Variants in ABCA2 observed in about 807,000 individuals in gnomAD.
ABCA2 encodes the protein ATP binding cassette subfamily A member 2.
A neutral mutation model predicts 262.8 loss-of-function variants in ABCA2; 84 were observed. The ratio of observed to expected loss-of-function variants is 0.32; its 90% confidence interval spans 0.27 to 0.38. ABCA2 has a LOEUF of 0.38. Ranked by LOEUF, ABCA2 falls within the 10% of genes least tolerant of loss-of-function variation. ABCA2 has a pLI of 1.00. For synonymous variants in ABCA2, 1,696 were observed against 1,502.9 expected (o/e 1.13, Z -2.97); for missense variants, 2,662 against 3,405.9 (o/e 0.78, Z 5.44).
At chr9:137,020,609 A>T in intron 9 of ABCA2, 85 bp downstream of exon 9, 1 of 1,557,366 alleles carries the variant, frequency 6.4e-7, no homozygotes, top group East Asian at 2.3e-5. Flanking sequence ...GCCAAATGAG[A>T]CCTCCAGAGC....
rs1830880646 is a variant in ABCA2, at chr9:137,007,661, C to T, written c.*268G>A. ...AGCAGTGCCAGGCAGGGGCGAGGGG[C>T]CGGGCAGACCCCGAGGCTTTAAGGC... On this transcript the variant is annotated 3_prime_UTR_variant, in exon 49 of 49. Transcript: ENST00000341511. 1 of 558,110 alleles carries T rather than the reference C, an allele frequency of 1.8e-6. No individual in the cohort carries two copies. The highest frequency in any genetic ancestry group is 2.0e-5 in the South Asian group (1 of 49,126). 34.6% of individuals were successfully genotyped at this position (558,110 alleles called of 1,614,324 possible).
At chr9:137,013,387 G>T in intron 29 of ABCA2, 69 bp from the exon 30 acceptor site, 1 of 1,183,186 alleles carries the variant, frequency 8.5e-7, no homozygotes, top group South Asian at 1.4e-5. Flanking sequence ...CCCCTCGCCC[G>T]CCTGGCCCAC....
intron 40 of ABCA2, 118 bp downstream of exon 40, chr9:137,010,502 G>T: frequency 6.9e-7 from 1 of 1,443,190 alleles, no homozygotes; most frequent in Admixed American, 2.0e-5. Context: ...CCCCATGCAG[G>T]CCCCACCCCC....
At chr9:137,012,241 C>T in intron 33 of ABCA2, 24 bp downstream of exon 33, 2 of 1,594,492 alleles carry the variant, frequency 1.3e-6, no homozygotes, top group South Asian at 2.2e-5. Context: ...CCCGCCCCGC[C>T]CCGCCCTGCC....
rs1831198799 is a variant in ABCA2 at position 137,014,850 on chromosome 9, C to T, written c.3883-40G>A. On this transcript the variant is annotated intron_variant, in intron 25 of 48. Transcript: ENST00000341511. ...GAGGGGGAGGCTGCGGCAGGGACGC[C>T]CAGGCAGGAGTGCGCCCACCTCCAC... The T allele has an allele frequency of 1.9e-6, 3 of 1,584,216 alleles. No homozygotes were observed. In the Admixed American group the frequency reaches 5.4e-5, roughly 29 times the overall value.
chr9:137,017,038 G>A lies in ABCA2; in HGVS notation c.2640C>T (p.Thr880=), dbSNP rs1215836622. The change falls in exon 19 of 49, where the codon ACC becomes ACT. Residue 880 remains threonine, a synonymous_variant. Coordinates refer to ENST00000341511, the MANE Select transcript of ABCA2 (RefSeq NM_001606.5). ...CCCCCTCCACCGGGGACTGGCTGAA[G>A]GTGTGCCACTGGATGCCCACGCCGG... ...EVAGVGIQWH[T]FSQSPVEGDD... is the part of the protein sequence containing the mutation. 1.2e-6 allele frequency: 2 copies of A among 1,612,826 alleles called. No homozygotes were observed. The highest frequency in any genetic ancestry group is 8.5e-7 in the Non-Finnish European group (1 of 1,179,996).
chr9:137,021,756 T>A lies in ABCA2; in HGVS notation c.678+135A>T. 1 of 1,224,912 alleles carries A rather than the reference T, an allele frequency of 8.2e-7. No individual in the cohort carries two copies. Among genetic ancestry groups the A allele is most frequent in the Non-Finnish European group, 1.2e-6 (1 of 868,596 alleles). 75.9% of individuals were successfully genotyped at this position (1,224,912 alleles called of 1,614,324 possible). ...ATGCCTCTACCCCTCATGCCTGCCA[T>A]AGACCCCTGGGACCCTCCCCCTCTC... On this transcript the variant is annotated intron_variant, in intron 7 of 48. Coordinates refer to ENST00000341511, the MANE Select transcript of ABCA2 (RefSeq NM_001606.5). The surrounding 1 kb of genome is among the most constrained non-coding windows in gnomAD (Gnocchi z 6.0).
intron 1 of ABCA2, chr9:137,027,816 G>A (rs748141321): frequency 6.6e-6 from 1 of 152,430 alleles, no homozygotes; most frequent in Non-Finnish European, 1.5e-5. Context: ...CAGAGGGCGC[G>A]GGTGCCGTGA....
intron 3 of ABCA2, 99 bp from the exon 4 acceptor site, chr9:137,023,151 T>A: frequency 1.0e-6 from 1 of 959,186 alleles, no homozygotes. Flanking sequence ...GAGGAGAAAT[T>A]TAGAGAAAGT....
chr9:137,020,596 G>A lies in ABCA2; in HGVS notation c.1265+98C>T, dbSNP rs1831417266. On this transcript the variant is annotated intron_variant, in intron 9 of 48. Transcript: ENST00000341511. ...GGCAGGACTTCGGGGCACAGGGCAG[G>A]GCGCCAAATGAGACCTCCAGAGCCA... The A allele has an allele frequency of 2.6e-6, 4 of 1,551,548 alleles. No homozygotes were observed. The Admixed American group carries it at 7.2e-5, about 28-fold the overall frequency.
In ABCA2 at chr9:137,009,968, C is replaced by A. The variant is rs368610110; in HGVS notation, c.6495+15G>T. The A allele has an allele frequency of 3.0e-5, 48 of 1,595,032 alleles. No individual in the cohort carries two copies. The highest frequency in any genetic ancestry group is 3.8e-5 in the Non-Finnish European group (45 of 1,169,600). The stretch of plus-strand genomic sequence containing the variant: ...CCAGCGTGCTGACTCCCTGCCCCGC[C>A]CCACAGATCCTCACCCGGGCCTCGT... On this transcript the variant is annotated intron_variant, in intron 42 of 48. Coordinates refer to ENST00000341511, the MANE Select transcript of ABCA2 (RefSeq NM_001606.5).
chr9:137,008,876 G>T lies in ABCA2; in HGVS notation c.6931-8C>A, dbSNP rs561668236. ...CTTTGTGTGGTGCCGCTCCTGCAGG[G>T]GGGGAGGTCAGAGGCCTGGCAGCGC... On this transcript the variant is annotated splice_polypyrimidine_tract_variant and splice_region_variant and intron_variant, in intron 46 of 48. Transcript: ENST00000341511. The T allele has an allele frequency of 7.5e-6, 12 of 1,603,708 alleles. No individual in the cohort carries two copies. Among genetic ancestry groups the T allele is most frequent in the African/African-American group, 5.3e-5 (4 of 74,784 alleles).
intron 26 of ABCA2, 70 bp from the exon 27 acceptor site, chr9:137,014,474 C>G (rs1253758720): frequency 1.3e-6 from 2 of 1,501,856 alleles, no homozygotes; most frequent in South Asian, 2.5e-5. Flanking sequence ...GACCCCCATC[C>G]CCGGTCTTGA....
chr9:137,022,296 G>A, intron 6 of ABCA2, 55 bp downstream of exon 6: 4 of 1,526,106 alleles, frequency 2.6e-6, no homozygotes, highest in African/African-American at 1.4e-5. Flanking sequence ...AGCAACCAGG[G>A]GGCGTGGCTG....
rs770421321 is a variant in ABCA2 at position 137,020,453 on chromosome 9, G to A, written c.1308C>T (p.Ser436=). The A allele has an allele frequency of 6.2e-7, 1 of 1,609,998 alleles. No individual in the cohort carries two copies. The highest frequency in any genetic ancestry group is 8.5e-7 in the Non-Finnish European group (1 of 1,178,346). The stretch of plus-strand genomic sequence containing the variant: ...GCTGCTCCTTGCTCGTGAAGCCCAG[G>A]GAGCTCATGTTGCCCCGCCGCAGCG... ...PEALRRGNMS[S]LGFTSKEQRN... Residue 436 remains serine (S), a synonymous_variant, in exon 10 of 49, where the codon TCC becomes TCT. Transcript: ENST00000341511.
rs1831412335 is a variant in ABCA2, at chr9:137,020,490, A to G, written c.1271T>C (p.Ile424Thr). ...QPILCGNNRT[I>T]EPEALRRGNM... is the part of the protein sequence containing the mutation. ...GCCCCGCCGCAGCGCCTCGGGTTCA[A>G]TGGTGCTGGGGTAGGGGACAGGGGG... is the stretch of plus-strand genomic sequence containing the variant. The change falls in exon 10 of 49, where the codon ATT (isoleucine) becomes ACT (threonine). Residue 424 changes from isoleucine (I) to threonine (T), a missense_variant. By Grantham distance (89) the Ile-to-Thr change is moderately conservative. This residue lies in a region of ABCA2 where 92 missense variants were observed against 146.7 expected (regional missense o/e 0.63). Coordinates refer to ENST00000341511, the MANE Select transcript of ABCA2 (RefSeq NM_001606.5). 1.9e-6 allele frequency: 3 copies of G among 1,595,772 alleles called. No individual in the cohort carries two copies. The highest frequency in any genetic ancestry group is 2.6e-6 in the Non-Finnish European group (3 of 1,172,126).
At chr9:137,022,210 G>A in intron 6 of ABCA2, 141 bp downstream of exon 6, 1 of 1,120,506 alleles carries the variant, frequency 8.9e-7, no homozygotes, top group Admixed American at 3.0e-5. Context: ...CAGAGAGTGG[G>A]GGCGTGGCTC....
Position 137,020,884 on chromosome 9 carries a change from G to A in ABCA2, c.1075C>T (p.Pro359Ser), listed in dbSNP as rs1313871925. ...QGACTGRTPG[P>S]PASGAGGAAN... The stretch of plus-strand genomic sequence containing the variant: ...GCCCCACCCGCACCACTGGCTGGGG[G>A]TCCGGGGGTCCGGCCAGTGCAGGCA... Residue 359 changes from proline (P) to serine (S), a missense_variant, in exon 9 of 49, where the codon CCC becomes TCC. Pro to Ser is a moderately conservative substitution (Grantham distance 74, BLOSUM62 -1). This residue lies in a region of ABCA2 where 403 missense variants were observed against 375.9 expected (regional missense o/e 1.07). Transcript: ENST00000341511. 2 of 1,549,054 alleles carry A rather than the reference G, an allele frequency of 1.3e-6. No homozygotes were observed. Among genetic ancestry groups the A allele is most frequent in the East Asian group, 2.4e-5 (1 of 41,596 alleles).
In ABCA2 at chr9:137,012,881, G is replaced by C. The variant is rs765939448; in HGVS notation, c.4912C>G (p.Pro1638Ala). Residue 1638 changes from proline to alanine, a missense_variant, in exon 31 of 49, where the codon CCC becomes GCC. Around this residue, in one of 12 missense-constraint regions of ABCA2, gnomAD observed 192 missense variants for 207.2 expected, o/e 0.93. Coordinates refer to ENST00000341511, the MANE Select transcript of ABCA2 (RefSeq NM_001606.5). ...APSLPRLVRE[P>A]VRCTCSAQGT... is the part of the protein sequence containing the mutation. ...TGCGCAGAGCAGGTGCAGCGGACGGGCTCCCGTACCAGGCGCGGCAGGGAG... is the reference window on the plus strand; with the variant it reads ...TGCGCAGAGCAGGTGCAGCGGACGGCCTCCCGTACCAGGCGCGGCAGGGAG... The C allele has an allele frequency of 1.3e-6, 2 of 1,580,656 alleles. No homozygotes were observed. The highest frequency in any genetic ancestry group is 1.7e-6 in the Non-Finnish European group (2 of 1,161,570).
Sources: gnomAD v4.1 joint callset for allele counts on GRCh38, gnomAD v4.1.1 for gene constraint, gnomAD v4.1.1 regional missense constraint, Gnocchi (gnomAD v3.1) non-coding constraint, MANE v1.5 for transcripts, NCBI Gene and HGNC (gene_info 2026-07-23, HGNC 2026-07-21) for gene names.